Variants in EXOSC5 observed in about 807,000 individuals in gnomAD.
EXOSC5 encodes the protein exosome component 5.
A neutral mutation model predicts 23.7 loss-of-function variants in EXOSC5; 15 were observed. The ratio of observed to expected loss-of-function variants is 0.63; its 90% CI spans 0.42 to 0.97. The LOEUF (loss-of-function observed/expected upper bound fraction) is 0.97. EXOSC5 is among the 50% of genes least tolerant of loss of function. EXOSC5 has a pLI of 0.00. For missense variants in EXOSC5, 305 were observed against 316.3 expected (o/e 0.96, Z 0.27); for synonymous variants, 143 against 140.9 (o/e 1.02, Z -0.11).
chr19:41,387,453 C>A, intron 5 of EXOSC5, 61 bp downstream of exon 5: 1 of 1,376,602 alleles, frequency 7.3e-7, no homozygotes, highest in Non-Finnish European at 9.9e-7. Context: ...AGAGTTGGGA[C>A]AAGACCGTAT....
At position 41,392,942 on chromosome 19, in the gene EXOSC5, C is replaced by T. The variant is rs183362480; in HGVS notation, c.187G>A (p.Glu63Lys). 3.3e-5 allele frequency: 54 copies of T among 1,613,592 alleles called. No homozygotes were observed. In the Admixed American group the frequency reaches 4.7e-4, roughly 14 times the overall value. ...AAAATCTCTTTGCTGACCTTCACCT[C>T]GGCCGGCCCGTACACACCCGCCAGG... is the stretch of plus-strand genomic sequence containing the variant. ...SVLAGVYGPAEVKVSKEIFNK... is the reference protein window; with the variant it reads ...SVLAGVYGPAKVKVSKEIFNK... The change falls in exon 2 of 6, where the codon GAG (glutamate) becomes AAG (lysine). Residue 63 changes from glutamate to lysine, a missense_variant. Coordinates refer to ENST00000221233, the MANE Select transcript of EXOSC5 (RefSeq NM_020158.4).
chr19:41,389,862 TCCA>T lies in EXOSC5; in HGVS notation c.425_427del (p.Val142del), dbSNP rs1289934138. 1 of 1,613,482 alleles carries T rather than the reference TCCA, an allele frequency of 6.2e-7. No individual in the cohort carries two copies. The highest frequency in any genetic ancestry group is 1.3e-5 in the African/African-American group (1 of 74,780). On this transcript the variant is annotated inframe_deletion, in exon 4 of 6. Coordinates refer to ENST00000221233, the MANE Select transcript of EXOSC5 (RefSeq NM_020158.4). Reference sequence around the variant, plus strand: ...GAGAGCCCGCATGGGCACACCTGCATCCACCAATGCCATGCAGGCGGCATTCAG... The same window carrying T: ...GAGAGCCCGCATGGGCACACCTGCATCCAATGCCATGCAGGCGGCATTCAG...
chr19:41,389,369 G>A (rs1437508849), intron 4 of EXOSC5, among the ~76,000 whole-genome samples: 3 of 152,064 alleles, frequency 2.0e-5, no homozygotes, highest in African/African-American at 4.8e-5. Context: ...GGGTTCAAGC[G>A]ATTCTCCTGC....
At chr19:41,387,967 T>C (rs2038996819) in intron 4 of EXOSC5, among the ~76,000 whole-genome samples, 1 of 152,008 alleles carries the variant, frequency 6.6e-6, no homozygotes, top group African/African-American at 2.4e-5. Flanking sequence ...ACGCTCCCCT[T>C]CCCACCACAC....
Position 41,386,480 on chromosome 19 carries a change from G to C in EXOSC5, c.*153C>G, listed in dbSNP as rs1162504718. Reference sequence around the variant, plus strand: ...CCCCCAGGCCTGGGGGCTGTCACAGGCCAAGGCCTCCCCACAGGAGCCCTG... The same window carrying C: ...CCCCCAGGCCTGGGGGCTGTCACAGCCCAAGGCCTCCCCACAGGAGCCCTG... On this transcript the variant is annotated 3_prime_UTR_variant, in exon 6 of 6. Transcript: ENST00000221233. The C allele has an allele frequency of 1.5e-6, 1 of 661,512 alleles. No individual in the cohort carries two copies. Among genetic ancestry groups the C allele is most frequent in the African/African-American group, 1.8e-5 (1 of 54,938 alleles). The allele number at this position is 661,512 out of a possible 1,614,324, so 41.0% of individuals were successfully genotyped here. A position where few individuals can be genotyped will look rare whatever the true frequency, so the allele number is the denominator to read the frequency against.
At chr19:41,388,773 G>C (rs7259208) in intron 4 of EXOSC5, among the ~76,000 whole-genome samples, 1 of 152,264 alleles carries the variant, frequency 6.6e-6, no homozygotes, top group South Asian at 2.1e-4. Flanking sequence ...CACCTGAGCC[G>C]ATGAGGAAAA....
At position 41,392,809 on chromosome 19, in the gene EXOSC5, T is replaced by TG. The variant is rs1053883774; in HGVS notation, c.262+57dup. ...CTCGGGGCAGCTGGTAGGGAGGAGC[T>TG]GGGGGGGTGATTTTGACAAACTGGG... On this transcript the variant is annotated intron_variant, in intron 2 of 5. Transcript: ENST00000221233. 6.9e-5 allele frequency: 105 copies of TG among 1,521,126 alleles called. 1 individual carries two copies. Among genetic ancestry groups the TG allele is most frequent in the Middle Eastern group, 5.7e-4 (3 of 5,280 alleles). 94.2% of individuals were successfully genotyped at this position (1,521,126 alleles called of 1,614,324 possible). A position where few individuals can be genotyped will look rare whatever the true frequency, so the allele number is the denominator to read the frequency against.
At chr19:41,392,558 G>A (rs922054108) in intron 2 of EXOSC5, among the ~76,000 whole-genome samples, 25 of 151,672 alleles carry the variant, frequency 1.6e-4, no homozygotes, top group Admixed American at 4.6e-4. Context: ...CACTCCAGCC[G>A]GGGTGACAGA....
chr19:41,392,180 G>C, intron 2 of EXOSC5: 2 of 609,174 alleles, frequency 3.3e-6, no homozygotes, highest in Non-Finnish European at 2.6e-6. Context: ...AACCATCCAA[G>C]GGAAGAAGAC....
At chr19:41,389,930 G>GTT (rs764956870) in intron 3 of EXOSC5, 25 bp from the exon 4 acceptor site, 1 of 1,552,870 alleles carries the variant, frequency 6.4e-7, no homozygotes, top group South Asian at 1.2e-5. Context: ...AAATGGTTAA[G>GTT]TTTCTTTTTT....
chr19:41,387,775 A>C (rs1250552475), intron 4 of EXOSC5, among the ~76,000 whole-genome samples, 172 bp from the exon 5 acceptor site: 1 of 133,794 alleles, frequency 7.5e-6, no homozygotes, highest in African/African-American at 3.0e-5. Context: ...TGGGCAACAG[A>C]GGGAGACCCC....
chr19:41,395,955 T>C (rs1227351768), intron 1 of EXOSC5, among the ~76,000 whole-genome samples: 2 of 152,134 alleles, frequency 1.3e-5, no homozygotes, highest in Admixed American at 1.3e-4. Context: ...CAAACCAAAC[T>C]ATACGTAAGT....
chr19:41,393,067 C>T (rs1179672947), intron 1 of EXOSC5, 87 bp from the exon 2 acceptor site: 5 of 941,630 alleles, frequency 5.3e-6, no homozygotes, highest in East Asian at 2.4e-5. Flanking sequence ...GCCAGGGCTC[C>T]CCACGTCACC....
chr19:41,386,948 T>G (rs2038989344), intron 5 of EXOSC5, among the ~76,000 whole-genome samples: 1 of 152,204 alleles, frequency 6.6e-6, no homozygotes, highest in South Asian at 2.1e-4. Context: ...GATCAGATTC[T>G]GACAGCAACA....
Position 41,386,525 on chromosome 19 carries a change from T to G in EXOSC5, c.*108A>C. 8.9e-7 allele frequency: 1 copy of G among 1,122,802 alleles called. No individual in the cohort carries two copies. The highest frequency in any genetic ancestry group is 1.3e-6 in the Non-Finnish European group (1 of 789,110). The allele number at this position is 1,122,802 out of a possible 1,614,324, so 69.6% of individuals were successfully genotyped here. On this transcript the variant is annotated 3_prime_UTR_variant, in exon 6 of 6. Transcript: ENST00000221233. ...GCCCTGTGGTTACAGAGCTGCAGGCTCAAGGAGCCCATGGGTCAGAGAGGC... is the reference window on the plus strand; with the variant it reads ...GCCCTGTGGTTACAGAGCTGCAGGCGCAAGGAGCCCATGGGTCAGAGAGGC...
chr19:41,389,741 A>G, intron 4 of EXOSC5, 24 bp downstream of exon 4: 1 of 1,607,428 alleles, frequency 6.2e-7, no homozygotes, highest in South Asian at 1.1e-5. Flanking sequence ...TCTGCCCTTC[A>G]GCCACCCTGG....
intron 3 of EXOSC5, 179 bp downstream of exon 3, chr19:41,391,662 C>A: frequency 1.4e-6 from 1 of 724,706 alleles, no homozygotes; most frequent in Non-Finnish European, 2.1e-6. Context: ...GTGCATAAGG[C>A]ACACAGAACA....
rs1291250709 is a variant in EXOSC5, at chr19:41,386,534, C to G, written c.*99G>C. 8.2e-7 allele frequency: 1 copy of G among 1,213,606 alleles called. No individual in the cohort carries two copies. Among genetic ancestry groups the G allele is most frequent in the East Asian group, 2.6e-5 (1 of 38,958 alleles). 75.2% of individuals were successfully genotyped at this position (1,213,606 alleles called of 1,614,324 possible). On this transcript the variant is annotated 3_prime_UTR_variant, in exon 6 of 6. Transcript: ENST00000221233. ...TTACAGAGCTGCAGGCTCAAGGAGC[C>G]CATGGGTCAGAGAGGCAAGGCTGGG...
intron 1 of EXOSC5, among the ~76,000 whole-genome samples, chr19:41,396,233 A>T (rs1037136992): frequency 6.6e-6 from 1 of 151,224 alleles, no homozygotes; most frequent in African/African-American, 2.4e-5. Context: ...TTTTTGAGAC[A>T]GAGTCTTGCT....
Sources: gnomAD v4.1 joint callset for allele counts (sites outside exome capture counted in the v4.1 genomes callset) on GRCh38, gnomAD v4.1.1 for gene constraint, MANE v1.5 for transcripts, NCBI Gene and HGNC (gene_info 2026-07-23, HGNC 2026-07-21) for gene names.